Variants in OSBPL6 observed in about 807,000 individuals in gnomAD.
OSBPL6 encodes oxysterol binding protein like 6.
In OSBPL6, 49 loss-of-function variants were observed where a neutral mutation model predicts 125.8. The ratio of observed to expected loss-of-function variants is 0.39; its 90% CI spans 0.31 to 0.49. The LOEUF (loss-of-function observed/expected upper bound fraction) is 0.49, where lower values mean the gene tolerates loss of function less well. OSBPL6 is among the 20% of genes least tolerant of loss of function. The pLI, the probability that OSBPL6 is intolerant of heterozygous loss-of-function variation, is 0.88. For synonymous variants in OSBPL6, 394 were observed against 391.8 expected (o/e 1.01, Z -0.07); for missense variants, 986 against 1,135.4 (o/e 0.87, Z 1.89).
At chr2:178,261,808 C>T (rs966155367) in intron 1 of OSBPL6, among the ~76,000 whole-genome samples, 1 of 152,194 alleles carries the variant, frequency 6.6e-6, no homozygotes, top group Non-Finnish European at 1.5e-5. Context: ...CTTTCTTCAA[C>T]TATTTTCTCA....
intron 3 of OSBPL6, among the ~76,000 whole-genome samples, chr2:178,306,896 G>C (rs1686811673): frequency 6.6e-6 from 1 of 152,178 alleles, no homozygotes; most frequent in Admixed American, 6.5e-5. Context: ...CTGTTGAAGT[G>C]GCGATTCTGC....
intron 13 of OSBPL6, among the ~76,000 whole-genome samples, chr2:178,363,652 T>C (rs2013431): frequency 0.76 from 114,983 of 152,032 alleles, 43,807 homozygotes; most frequent in East Asian, 1. Flanking sequence ...AGGAAGGGTC[T>C]GATGCTAACA....
chr2:178,369,211 G>A (rs1437460589), intron 13 of OSBPL6, among the ~76,000 whole-genome samples: 4 of 152,168 alleles, frequency 2.6e-5, no homozygotes, highest in Non-Finnish European at 2.9e-5. Flanking sequence ...ATTAAGTAAG[G>A]ACACAGGTGA....
intron 2 of OSBPL6, among the ~76,000 whole-genome samples, chr2:178,302,835 A>T (rs551831865): frequency 2.6e-5 from 4 of 152,194 alleles, no homozygotes; most frequent in Non-Finnish European, 5.9e-5. Flanking sequence ...TAAATGAAAA[A>T]ATCCAGCAGA....
intron 3 of OSBPL6, among the ~76,000 whole-genome samples, chr2:178,311,078 C>T (rs1440987750): frequency 6.6e-6 from 1 of 152,178 alleles, no homozygotes; most frequent in Admixed American, 6.5e-5. Flanking sequence ...AGTGACTTCC[C>T]ATCTCTGTCC....
intron 13 of OSBPL6, among the ~76,000 whole-genome samples, chr2:178,362,124 C>T (rs1029939796): frequency 6.6e-6 from 1 of 152,138 alleles, no homozygotes; most frequent in Non-Finnish European, 1.5e-5. Flanking sequence ...AAGAATTATG[C>T]ATTTATTTGA....
At chr2:178,250,690 C>G (rs2091662390) in intron 1 of OSBPL6, among the ~76,000 whole-genome samples, 1 of 152,176 alleles carries the variant, frequency 6.6e-6, no homozygotes, top group African/African-American at 2.4e-5. Flanking sequence ...TTCTGCTCCT[C>G]CTCCTGGTCT....
At chr2:178,251,966 C>A (rs2091710692) in intron 1 of OSBPL6, among the ~76,000 whole-genome samples, 1 of 152,112 alleles carries the variant, frequency 6.6e-6, no homozygotes, top group African/African-American at 2.4e-5. Context: ...CTTAAGGACA[C>A]CTGAGGCTGA....
intron 1 of OSBPL6, among the ~76,000 whole-genome samples, chr2:178,274,083 C>CT (rs1185399843): frequency 2.0e-5 from 3 of 152,118 alleles, no homozygotes; most frequent in Admixed American, 6.5e-5. Flanking sequence ...GCAGCTCTGG[C>CT]TTTTTTCTAT....
At chr2:178,230,114 G>A (rs2090755562) in intron 1 of OSBPL6, among the ~76,000 whole-genome samples, 1 of 152,148 alleles carries the variant, frequency 6.6e-6, no homozygotes, top group African/African-American at 2.4e-5. Flanking sequence ...GGGGAGAGGC[G>A]ACAGATTGGA....
intron 11 of OSBPL6, among the ~76,000 whole-genome samples, chr2:178,345,515 GAACA>G (rs1381947116): frequency 2.0e-5 from 3 of 152,134 alleles, no homozygotes; most frequent in African/African-American, 7.2e-5. Context: ...GTAAACATTT[GAACA>G]AACAAATTAT....
chr2:178,294,923 C>T (rs1380540811), intron 2 of OSBPL6, among the ~76,000 whole-genome samples: 2 of 126,062 alleles, frequency 1.6e-5, no homozygotes, highest in African/African-American at 3.0e-5. Context: ...TAGCAATTTT[C>T]GAGGTCTTTT....
intron 1 of OSBPL6, among the ~76,000 whole-genome samples, chr2:178,226,031 G>A (rs75101063): frequency 2.0e-5 from 3 of 152,266 alleles, no homozygotes; most frequent in Non-Finnish European, 2.9e-5. Context: ...AAAGCAGCCC[G>A]GAGCTAGTAA....
intron 16 of OSBPL6, 181 bp downstream of exon 16, chr2:178,382,688 C>A (rs1271183232): frequency 2.1e-6 from 3 of 1,448,392 alleles, no homozygotes; most frequent in Non-Finnish European, 2.7e-6. Flanking sequence ...TTGAAAAAAT[C>A]TGTTAGGTAA....
chr2:178,391,710 G>A (rs188169934), intron 22 of OSBPL6, among the ~76,000 whole-genome samples: 13 of 152,288 alleles, frequency 8.5e-5, no homozygotes, highest in Admixed American at 8.5e-4. Context: ...CATCAAAAGA[G>A]TTCTGATAAC....
At chr2:178,371,909 C>G (rs1388409601) in intron 13 of OSBPL6, among the ~76,000 whole-genome samples, 1 of 152,100 alleles carries the variant, frequency 6.6e-6, no homozygotes. Context: ...TTCAGCCCAC[C>G]AATCTGCAAA....
chr2:178,218,633 CT>C (rs10699137), intron 1 of OSBPL6, among the ~76,000 whole-genome samples: 49 of 137,360 alleles, frequency 3.6e-4, no homozygotes, highest in Middle Eastern at 3.8e-3. Context: ...TTCTTTCTTT[CT>C]TTTTTTTTTT....
Position 178,305,867 on chromosome 2 carries a change from C to T in OSBPL6, c.-155-163C>T, listed in dbSNP as rs334610. 0.97 allele frequency among the ~76,000 whole-genome samples: 145,203 copies of T among 149,516 alleles called. 70,542 individuals are homozygous for T. Among genetic ancestry groups the T allele is most frequent in the Non-Finnish European group, 0.98 (66,620 of 67,672 alleles). On this transcript the variant is annotated intron_variant, in intron 2 of 24. Coordinates refer to ENST00000190611, the MANE Select transcript of OSBPL6 (RefSeq NM_032523.4). ...AGTCCTTTTTTTTTTTTTTTTTACACACTGACACTTTCATCTTCCGCCTTA... is the reference window on the plus strand; with the variant it reads ...AGTCCTTTTTTTTTTTTTTTTTACATACTGACACTTTCATCTTCCGCCTTA...
At chr2:178,337,723 G>A (rs1371410002) in intron 9 of OSBPL6, among the ~76,000 whole-genome samples, 4 of 152,262 alleles carry the variant, frequency 2.6e-5, no homozygotes, top group East Asian at 1.9e-4. Context: ...TTAGTTTTGA[G>A]TCCTTGGCCT....
Sources: allele counts gnomAD v4.1 joint callset (sites outside exome capture counted in the v4.1 genomes callset), GRCh38; gene constraint gnomAD v4.1.1; transcripts MANE v1.5; gene names NCBI Gene and HGNC (gene_info 2026-07-23, HGNC 2026-07-21).